Variants in CPLX4 observed in about 807,000 individuals in gnomAD.
The protein encoded by CPLX4 is complexin-4.
In CPLX4, 17 loss-of-function variants were observed where a neutral mutation model predicts 16.1. The observed-to-expected ratio is 1.06, with a 90% confidence interval of 0.72 to 1.59. The LOEUF is 1.59. Ranked by LOEUF, CPLX4 falls within the 40% of genes most tolerant of loss-of-function variation. The probability of loss-of-function intolerance (pLI) is 0.00; values close to 1 mark genes in which losing one functional copy is unlikely to be tolerated. For missense variants in CPLX4, 193 were observed against 192.9 expected (o/e 1.00, Z 0.00); for synonymous variants, 55 against 57.8 (o/e 0.95, Z 0.22).
At chr18:59,317,866 A>G (rs535010179) in intron 1 of CPLX4, among the ~76,000 whole-genome samples, 15 of 145,014 alleles carry the variant, frequency 1.0e-4, no homozygotes, top group African/African-American at 3.9e-4. Context: ...GCTGCCCTCT[A>G]TGTTATTTTA....
intron 2 of CPLX4, among the ~76,000 whole-genome samples, 163 bp downstream of exon 2, chr18:59,312,515 CCTGAATA>C (rs2070624125): frequency 7.1e-6 from 1 of 141,010 alleles, no homozygotes; most frequent in Admixed American, 7.2e-5. Context: ...ATATATATAT[CCTGAATA>C]TGTATATACA....
At chr18:59,310,622 G>A (rs2070610213) in intron 2 of CPLX4, among the ~76,000 whole-genome samples, 1 of 152,088 alleles carries the variant, frequency 6.6e-6, no homozygotes, top group Admixed American at 6.5e-5. Context: ...AGACTTTTGT[G>A]CCCAGAGATC....
intron 2 of CPLX4, among the ~76,000 whole-genome samples, chr18:59,304,933 G>GTA (rs1362023044): frequency 1.0e-5 from 1 of 98,022 alleles, no homozygotes; most frequent in Admixed American, 1.2e-4. Flanking sequence ...CAGTGTGTGT[G>GTA]TGTGTGTGTG....
intron 2 of CPLX4, among the ~76,000 whole-genome samples, chr18:59,302,116 T>C (rs559999186): frequency 5.3e-5 from 8 of 152,240 alleles, no homozygotes; most frequent in Admixed American, 2.6e-4. Context: ...GAAGCATAAA[T>C]GGGATTTATA....
At chr18:59,310,966 G>A (rs1273398880) in intron 2 of CPLX4, among the ~76,000 whole-genome samples, 1 of 136,026 alleles carries the variant, frequency 7.4e-6, no homozygotes, top group Non-Finnish European at 1.7e-5. Context: ...GTGTGTGTGT[G>A]TGTGTGTGTG....
intron 1 of CPLX4, among the ~76,000 whole-genome samples, chr18:59,313,781 C>A (rs893899963): frequency 6.6e-6 from 1 of 152,200 alleles, no homozygotes; most frequent in African/African-American, 2.4e-5. Flanking sequence ...AACAAAGCAG[C>A]CATGCCCAGA....
At chr18:59,314,566 T>G (rs552348424) in intron 1 of CPLX4, among the ~76,000 whole-genome samples, 1 of 152,078 alleles carries the variant, frequency 6.6e-6, no homozygotes, top group African/African-American at 2.4e-5. Flanking sequence ...ATTCAATGAT[T>G]CCCCAAAAAG....
At chr18:59,317,352 T>C (rs2070657924) in intron 1 of CPLX4, among the ~76,000 whole-genome samples, 1 of 152,152 alleles carries the variant, frequency 6.6e-6, no homozygotes, top group African/African-American at 2.4e-5. Flanking sequence ...ATTTCTTAAC[T>C]GATTATTAAA....
chr18:59,296,584 C>T lies in CPLX4; in HGVS notation c.*114G>A, dbSNP rs549121916. 6 of 1,077,934 alleles carry T rather than the reference C, an allele frequency of 5.6e-6. No individual in the cohort carries two copies. The South Asian group carries it at 5.8e-5, about 10-fold the overall frequency. The allele number at this position is 1,077,934 out of a possible 1,614,324, so 66.8% of individuals were successfully genotyped here. On this transcript the variant is annotated 3_prime_UTR_variant, in exon 3 of 3. Coordinates refer to ENST00000299721, the MANE Select transcript of CPLX4 (RefSeq NM_181654.4). ...AAATTATTGTCTGTCAATGGATCAT[C>T]GTGGTTTTCCTAACTGTGTTCACTA...
At chr18:59,314,012 C>T (rs988337864) in intron 1 of CPLX4, among the ~76,000 whole-genome samples, 8 of 152,150 alleles carry the variant, frequency 5.3e-5, no homozygotes, top group African/African-American at 1.9e-4. Context: ...ATAATCTTAA[C>T]CATTATACAA....
chr18:59,307,904 A>C (rs1314535551), intron 2 of CPLX4, among the ~76,000 whole-genome samples: 2 of 150,640 alleles, frequency 1.3e-5, no homozygotes, highest in African/African-American at 2.4e-5. Context: ...GGGGTCCGCC[A>C]CCATGGCCGG....
chr18:59,302,760 C>T (rs473567), intron 2 of CPLX4, among the ~76,000 whole-genome samples: 19,324 of 152,130 alleles, frequency 0.13, 2,389 homozygotes, highest in African/African-American at 0.32. Context: ...CTTCTTGGAC[C>T]TGGATAAACT....
At chr18:59,318,175 G>T in intron 1 of CPLX4, 121 bp downstream of exon 1, 1 of 1,442,032 alleles carries the variant, frequency 6.9e-7, no homozygotes, top group Non-Finnish European at 9.1e-7. Flanking sequence ...TGGGTTAGAG[G>T]TAAACGGCAA....
chr18:59,301,555 G>C (rs1194865274), intron 2 of CPLX4, among the ~76,000 whole-genome samples: 1 of 152,316 alleles, frequency 6.6e-6, no homozygotes, highest in East Asian at 1.9e-4. Context: ...ACTAAAGGTA[G>C]GACAACCAGA....
At position 59,312,705 on chromosome 18, in the gene CPLX4, C is replaced by G; in HGVS notation, c.235G>C (p.Glu79Gln). The change falls in exon 2 of 3, where the codon GAA becomes CAA. Residue 79 changes from glutamate (E) to glutamine (Q), a missense_variant. Coordinates refer to ENST00000299721, the MANE Select transcript of CPLX4 (RefSeq NM_181654.4). ...ERACLRVHLR[E>Q]KYRLPKSEMD... ...CTTACCTTTGGGAGCCTGTATTTTT[C>G]TCTGAGATGAACTCTGAGGCATGCC... 7.2e-7 allele frequency: 1 copy of G among 1,389,720 alleles called. No individual in the cohort carries two copies. The highest frequency in any genetic ancestry group is 1.0e-6 in the Non-Finnish European group (1 of 975,454). The allele number at this position is 1,389,720 out of a possible 1,614,324, so 86.1% of individuals were successfully genotyped here.
At chr18:59,317,188 C>G (rs1465363828) in intron 1 of CPLX4, among the ~76,000 whole-genome samples, 1 of 152,080 alleles carries the variant, frequency 6.6e-6, no homozygotes, top group African/African-American at 2.4e-5. Context: ...TTGTTTCCTC[C>G]AGGTCATTAA....
intron 2 of CPLX4, among the ~76,000 whole-genome samples, chr18:59,304,041 AT>A (rs567991004): frequency 1.3e-3 from 195 of 152,156 alleles, no homozygotes; most frequent in African/African-American, 4.5e-3. Flanking sequence ...CATCTTTGTT[AT>A]TTTTTTTAAG....
intron 2 of CPLX4, among the ~76,000 whole-genome samples, chr18:59,300,614 A>G (rs1166780394): frequency 1.3e-5 from 2 of 152,160 alleles, no homozygotes; most frequent in Non-Finnish European, 1.5e-5. Flanking sequence ...CCTTGTCTGT[A>G]TATGGAGAAT....
chr18:59,310,683 A>G lies in CPLX4; in HGVS notation c.255+2002T>C, dbSNP rs376232380. Reference sequence around the variant, plus strand: ...TGTCAGGCGTTGTACTAGGTCCTTTATATTACATTATCTCAGACAAAGATC... The same window carrying G: ...TGTCAGGCGTTGTACTAGGTCCTTTGTATTACATTATCTCAGACAAAGATC... On this transcript the variant is annotated intron_variant, in intron 2 of 2. Coordinates refer to ENST00000299721, the MANE Select transcript of CPLX4 (RefSeq NM_181654.4). Among the ~76,000 whole-genome samples, 6 of 152,240 alleles carry G rather than the reference A, an allele frequency of 3.9e-5. No homozygotes were observed. The East Asian group carries it at 7.7e-4, about 20-fold the overall frequency.
Sources: allele counts gnomAD v4.1 joint callset (sites outside exome capture counted in the v4.1 genomes callset), GRCh38; gene constraint gnomAD v4.1.1; transcripts MANE v1.5; gene names NCBI Gene and HGNC (gene_info 2026-07-23, HGNC 2026-07-21).